Variants in PRKAG2 observed in about 807,000 individuals in gnomAD.
PRKAG2 encodes the protein 5'-AMP-activated protein kinase subunit gamma-2.
Under a neutral mutation model 69.6 loss-of-function variants are expected in PRKAG2, and 26 were observed. The ratio of observed to expected loss-of-function variants is 0.37; its 90% CI spans 0.27 to 0.52. The LOEUF (loss-of-function observed/expected upper bound fraction) is 0.52. Among genes scored for constraint, PRKAG2 ranks in the 20% least tolerant of loss-of-function variants. The pLI, the probability that PRKAG2 is intolerant of heterozygous loss-of-function variation, is 0.90. For synonymous variants in PRKAG2, 293 were observed against 285.0 expected, an observed-to-expected ratio of 1.03 and a Z score of -0.28; for missense variants, 557 against 740.0, an observed-to-expected ratio of 0.75 and a Z score of 2.87.
intron 5 of PRKAG2, among the ~76,000 whole-genome samples, chr7:151,629,113 G>A (rs935709196): frequency 4.6e-5 from 7 of 152,132 alleles, no homozygotes; most frequent in South Asian, 2.1e-4. Flanking sequence ...GCCGAGCCCC[G>A]CCCCTTGGAT....
At chr7:151,690,212 G>A (rs1336127048) in intron 3 of PRKAG2, among the ~76,000 whole-genome samples, 1 of 152,184 alleles carries the variant, frequency 6.6e-6, no homozygotes, top group African/African-American at 2.4e-5. Flanking sequence ...CACTCATCCC[G>A]AGGGAGGTGG....
intron 1 of PRKAG2, among the ~76,000 whole-genome samples, chr7:151,795,873 A>AT (rs2077492565): frequency 8.7e-6 from 1 of 115,098 alleles, no homozygotes; most frequent in Admixed American, 1.0e-4. Context: ...ATATATATAT[A>AT]TATATATATA....
chr7:151,704,859 T>C (rs979197951), intron 3 of PRKAG2, among the ~76,000 whole-genome samples: 1 of 152,166 alleles, frequency 6.6e-6, no homozygotes, highest in Admixed American at 6.5e-5. Context: ...TGCTCAGCGG[T>C]GCGGCAGGTT....
intron 6 of PRKAG2, among the ~76,000 whole-genome samples, chr7:151,582,299 A>G (rs73475440): frequency 0.15 from 22,737 of 151,956 alleles, 1,824 homozygotes; most frequent in African/African-American, 0.19. Flanking sequence ...ACAGGTGCAC[A>G]CCACCACAGC....
chr7:151,588,444 C>T (rs1463114274), intron 6 of PRKAG2, among the ~76,000 whole-genome samples: 2 of 151,894 alleles, frequency 1.3e-5, no homozygotes. Context: ...CTCACTGTAA[C>T]CTCTGCCTTC....
In PRKAG2 at chr7:151,874,010, A is replaced by G. The variant is rs1198487606; in HGVS notation, c.114+2497T>C. 1.4e-5 allele frequency among the ~76,000 whole-genome samples: 2 copies of G among 145,758 alleles called. 1 individual carries two copies. The highest frequency in any genetic ancestry group is 5.2e-5 in the African/African-American group (2 of 38,642). On this transcript the variant is annotated intron_variant, in intron 1 of 15. Transcript: ENST00000287878. Reference sequence around the variant, plus strand: ...GTATATGTATATGATGTATATGTATAAGTATATGTATATGATGTATATGTA... The same window carrying G: ...GTATATGTATATGATGTATATGTATGAGTATATGTATATGATGTATATGTA...
In PRKAG2 at chr7:151,780,436, C is replaced by T. The variant is rs988274004; in HGVS notation, c.466+716G>A. On this transcript the variant is annotated intron_variant, in intron 3 of 15. Coordinates refer to ENST00000287878, the MANE Select transcript of PRKAG2 (RefSeq NM_016203.4). The surrounding 1 kb of genome is among the most constrained non-coding windows in gnomAD (Gnocchi z 4.2). Reference sequence around the variant, plus strand: ...CTTCCCCAATACAAATGTTCTAAGTCAGTAGAAAGAACTGGAAAGAATAGA... The same window carrying T: ...CTTCCCCAATACAAATGTTCTAAGTTAGTAGAAAGAACTGGAAAGAATAGA... Among the ~76,000 whole-genome samples the T allele has an allele frequency of 6.6e-6, 1 of 152,138 alleles. No homozygotes were observed. Among genetic ancestry groups the T allele is most frequent in the Non-Finnish European group, 1.5e-5 (1 of 68,010 alleles).
intron 3 of PRKAG2, among the ~76,000 whole-genome samples, chr7:151,733,844 C>T (rs995711501): frequency 6.6e-6 from 1 of 152,036 alleles, no homozygotes; most frequent in Non-Finnish European, 1.5e-5. Context: ...CATGGGTGTG[C>T]ACCACCATGC....
At chr7:151,602,775 T>C (rs893161734) in intron 5 of PRKAG2, among the ~76,000 whole-genome samples, 2 of 152,146 alleles carry the variant, frequency 1.3e-5, no homozygotes, top group Non-Finnish European at 2.9e-5. Flanking sequence ...GATTGGATCA[T>C]GGGGGCAGTT....
chr7:151,671,973 C>T (rs972708041), intron 4 of PRKAG2, among the ~76,000 whole-genome samples: 1 of 152,022 alleles, frequency 6.6e-6, no homozygotes, highest in Non-Finnish European at 1.5e-5. Flanking sequence ...CCAGATCATT[C>T]CTCTTTTTGG....
intron 1 of PRKAG2, among the ~76,000 whole-genome samples, chr7:151,794,618 C>T (rs866712794): frequency 1.8e-4 from 28 of 152,368 alleles, no homozygotes; most frequent in Middle Eastern, 3.4e-3. Flanking sequence ...ATGCGGCTCC[C>T]GCGGAAGCCA....
Position 151,661,463 on chromosome 7 carries a change from A to C in PRKAG2, c.684+13957T>G, listed in dbSNP as rs1329319785. 2.0e-5 allele frequency among the ~76,000 whole-genome samples: 3 copies of C among 152,230 alleles called. No homozygotes were observed. The South Asian group carries it at 6.2e-4, about 31-fold the overall frequency. On this transcript the variant is annotated intron_variant, in intron 4 of 15. Transcript: ENST00000287878. ...TCCCAAAGGGCTTTTGATTCAGCACATGAAGAGGAAATCACGGGCAGAGCT... is the reference window on the plus strand; with the variant it reads ...TCCCAAAGGGCTTTTGATTCAGCACCTGAAGAGGAAATCACGGGCAGAGCT...
chr7:151,807,742 C>T lies in PRKAG2; in HGVS notation c.115-21201G>A, dbSNP rs1213436639. 4 of 386,704 alleles carry T rather than the reference C, an allele frequency of 1.0e-5. No homozygotes were observed. Among genetic ancestry groups the T allele is most frequent in the African/African-American group, 2.1e-5 (1 of 47,966 alleles). 24.0% of individuals were successfully genotyped at this position (386,704 alleles called of 1,614,324 possible). ...GCAGCATTTCAGAGGAAGCCAGGAGCGAGAACTCGTGCATCCGAACCCTTC... is the reference window on the plus strand; with the variant it reads ...GCAGCATTTCAGAGGAAGCCAGGAGTGAGAACTCGTGCATCCGAACCCTTC... On this transcript the variant is annotated intron_variant, in intron 1 of 15. Transcript: ENST00000287878. This position sits in a 1 kb window ranked among gnomAD's most constrained non-coding sequence, Gnocchi z 4.4.
intron 11 of PRKAG2, among the ~76,000 whole-genome samples, chr7:151,566,362 C>T (rs1199903563): frequency 1.3e-5 from 2 of 152,132 alleles, no homozygotes; most frequent in Non-Finnish European, 2.9e-5. Context: ...AGCTAGTCCT[C>T]ACGCCACCCG....
chr7:151,564,348 C>A, intron 13 of PRKAG2, 124 bp from the exon 14 acceptor site: 1 of 997,406 alleles, frequency 1.0e-6, no homozygotes, highest in Admixed American at 1.8e-5. Flanking sequence ...TTAGTACCTG[C>A]ATACATCAGA....
At chr7:151,750,617 A>T (rs1413306259) in intron 3 of PRKAG2, among the ~76,000 whole-genome samples, 1 of 152,140 alleles carries the variant, frequency 6.6e-6, no homozygotes, top group Non-Finnish European at 1.5e-5. Flanking sequence ...ATGGAGATTG[A>T]GGGCTAAGGG....
chr7:151,698,631 C>T (rs956423936), intron 3 of PRKAG2, among the ~76,000 whole-genome samples: 1 of 152,176 alleles, frequency 6.6e-6, no homozygotes, highest in Non-Finnish European at 1.5e-5. Flanking sequence ...TGACTGGAAG[C>T]TTCCTGAGGC....
chr7:151,870,115 A>T lies in PRKAG2; in HGVS notation c.114+6392T>A, dbSNP rs114288888. On this transcript the variant is annotated intron_variant, in intron 1 of 15. Coordinates refer to ENST00000287878, the MANE Select transcript of PRKAG2 (RefSeq NM_016203.4). ...TGACAGCTGAAAAGGTGCAGATGAT[A>T]GATAGATAGATAGATAGATAGATAG... Among the ~76,000 whole-genome samples the T allele has an allele frequency of 5.8e-3, 648 of 111,212 alleles. 6 individuals are homozygous for T. Among genetic ancestry groups the T allele is most frequent in the African/African-American group, 0.02 (629 of 31,750 alleles). The allele number at this position is 111,212 out of a possible 152,430, so 73.0% of individuals were successfully genotyped here.
intron 4 of PRKAG2, among the ~76,000 whole-genome samples, chr7:151,634,777 A>C (rs1255997608): frequency 7.9e-5 from 12 of 152,238 alleles, no homozygotes; most frequent in Admixed American, 6.5e-4. Context: ...CAAAGTCATT[A>C]GCCATTATAT....
Sources: gnomAD v4.1 joint callset for allele counts (sites outside exome capture counted in the v4.1 genomes callset) on GRCh38, gnomAD v4.1.1 for gene constraint, Gnocchi (gnomAD v3.1) non-coding constraint, MANE v1.5 for transcripts, NCBI Gene and HGNC (gene_info 2026-07-23, HGNC 2026-07-21) for gene names.